TG: variants seen among roughly 807,000 people sequenced by gnomAD.
TG encodes thyroglobulin.
TG carries 270 observed loss-of-function variants against 324.7 expected under a neutral mutation model. The ratio of observed to expected loss-of-function variants is 0.83; its 90% CI spans 0.75 to 0.92. The LOEUF (loss-of-function observed/expected upper bound fraction) is 0.92. Among genes scored for constraint, TG ranks in the 40% least tolerant of loss-of-function variants. The pLI, the probability that TG is intolerant of heterozygous loss-of-function variation, is 0.00. For missense variants in TG, 3,591 were observed against 3,456.4 expected, an observed-to-expected ratio of 1.04 and a Z score of -0.98; for synonymous variants, 1,401 against 1,327.0, an observed-to-expected ratio of 1.06 and a Z score of -1.21.
chr8:132,923,416 G>T lies in TG; in HGVS notation c.4607G>T (p.Arg1536Met), dbSNP rs765995450. ...NGQYRASQKD[R>M]GSGKAFCVDG... is the part of the protein sequence containing the mutation. ...CAGTATCGAGCCAGCCAGAAGGACA[G>T]GGGCAGTGGGAAGGCCTTCTGTGTG... The change falls in exon 22 of 48, where the codon AGG becomes ATG. Residue 1536 changes from arginine to methionine, a missense_variant. Coordinates refer to ENST00000220616, the MANE Select transcript of TG (RefSeq NM_003235.5). 1.9e-6 allele frequency: 3 copies of T among 1,614,158 alleles called. No homozygotes were observed. The highest frequency in any genetic ancestry group is 2.5e-6 in the Non-Finnish European group (3 of 1,180,032).
chr8:132,985,745 G>A (rs749146368), intron 35 of TG, among the ~76,000 whole-genome samples: 22 of 152,014 alleles, frequency 1.4e-4, no homozygotes, highest in Non-Finnish European at 2.4e-4. Flanking sequence ...AGATCGTGTG[G>A]GTGCTTCCTT....
intron 27 of TG, 111 bp downstream of exon 27, chr8:132,949,054 GA>G (rs34207784): frequency 0.25 from 168,781 of 678,972 alleles, 2,934 homozygotes; most frequent in East Asian, 0.37. Context: ...TTATACTTCT[GA>G]AAAAAAAAAA....
At chr8:133,068,099 C>G (rs560308715) in intron 41 of TG, among the ~76,000 whole-genome samples, 1 of 152,286 alleles carries the variant, frequency 6.6e-6, no homozygotes, top group East Asian at 1.9e-4. Flanking sequence ...CATCATAAAG[C>G]ATCACTTGAA....
chr8:132,945,821 G>C (rs1396807330), intron 26 of TG, among the ~76,000 whole-genome samples: 1 of 152,194 alleles, frequency 6.6e-6, no homozygotes, highest in African/African-American at 2.4e-5. Flanking sequence ...GTTGTCAACA[G>C]TCTTGAGTGC....
chr8:132,942,723 A>T (rs755775047), intron 26 of TG, among the ~76,000 whole-genome samples: 36 of 152,224 alleles, frequency 2.4e-4, no homozygotes, highest in Non-Finnish European at 4.1e-4. Context: ...GCAGTGTGCG[A>T]TGCAAATGCC....
At chr8:133,106,771 T>C (rs1457035214) in intron 43 of TG, among the ~76,000 whole-genome samples, 1 of 152,130 alleles carries the variant, frequency 6.6e-6, no homozygotes, top group Admixed American at 6.5e-5. Context: ...CCATATCACA[T>C]AGATGTGCTG....
At chr8:132,959,053 G>A (rs1193100984) in intron 27 of TG, among the ~76,000 whole-genome samples, 1 of 152,186 alleles carries the variant, frequency 6.6e-6, no homozygotes, top group Non-Finnish European at 1.5e-5. Context: ...ATCCTTTAGA[G>A]AAACATCTCA....
rs1455401565 is a variant in TG at position 133,017,832 on chromosome 8, A to T, written c.6617A>T (p.His2206Leu). The change falls in exon 38 of 48, where the codon CAT becomes CTT. Residue 2206 changes from histidine to leucine, a missense_variant. His to Leu is a moderately conservative substitution (Grantham distance 99). Coordinates refer to ENST00000220616, the MANE Select transcript of TG (RefSeq NM_003235.5). ...GTACCTTCTGTGCCCATTTCCACCC[A>T]TGGCCGGCTGCTGGGCAGGTCCCAG... ...ASVPSVPISTHGRLLGRSQAI... is the reference protein window; with the variant it reads ...ASVPSVPISTLGRLLGRSQAI... 1 of 1,614,060 alleles carries T rather than the reference A, an allele frequency of 6.2e-7. No homozygotes were observed. The highest frequency in any genetic ancestry group is 1.7e-5 in the Admixed American group (1 of 60,014).
intron 16 of TG, among the ~76,000 whole-genome samples, chr8:132,906,397 G>T (rs1332676356): frequency 2.0e-5 from 3 of 152,114 alleles, no homozygotes. Flanking sequence ...GTAACTAATT[G>T]GCTTTAGAGA....
chr8:132,929,588 C>T (rs1224299829), intron 23 of TG, among the ~76,000 whole-genome samples: 2 of 150,646 alleles, frequency 1.3e-5, no homozygotes, highest in East Asian at 3.9e-4. Flanking sequence ...CATAAACTGG[C>T]CATTGCTATC....
chr8:133,125,116 G>A (rs923077174), intron 45 of TG, among the ~76,000 whole-genome samples: 42 of 152,246 alleles, frequency 2.8e-4, no homozygotes, highest in African/African-American at 9.6e-4. Context: ...TTTACCTAAC[G>A]CCGTCTATGC....
At chr8:133,019,352 C>T (rs1223452013) in intron 38 of TG, among the ~76,000 whole-genome samples, 1 of 152,250 alleles carries the variant, frequency 6.6e-6, no homozygotes, top group Non-Finnish European at 1.5e-5. Flanking sequence ...GCAGACTTCT[C>T]TAAGTTGGTG....
chr8:133,097,992 T>TA (rs1344815638), intron 43 of TG, among the ~76,000 whole-genome samples: 1 of 152,068 alleles, frequency 6.6e-6, no homozygotes, highest in Non-Finnish European at 1.5e-5. Flanking sequence ...AAGTAAAACT[T>TA]AGTCACCCTC....
At chr8:132,929,920 G>A (rs772817457) in intron 23 of TG, among the ~76,000 whole-genome samples, 7 of 152,128 alleles carry the variant, frequency 4.6e-5, no homozygotes, top group Admixed American at 1.3e-4. Flanking sequence ...GTATACTGCC[G>A]AGGCTTGGGG....
At chr8:133,117,850 G>A (rs115512686) in intron 45 of TG, among the ~76,000 whole-genome samples, 25 of 152,278 alleles carry the variant, frequency 1.6e-4, no homozygotes, top group African/African-American at 5.8e-4. Context: ...TTTAGAGGTG[G>A]GGGTCCAGCC....
At chr8:132,889,039 C>A (rs963544302) in intron 10 of TG, among the ~76,000 whole-genome samples, 1 of 152,164 alleles carries the variant, frequency 6.6e-6, no homozygotes, top group African/African-American at 2.4e-5. Flanking sequence ...GAGAGTGCCA[C>A]CTGAAGTGGC....
At chr8:132,868,533 G>C (rs933976702) in intron 2 of TG, among the ~76,000 whole-genome samples, 3 of 152,206 alleles carry the variant, frequency 2.0e-5, no homozygotes, top group African/African-American at 7.2e-5. Context: ...CGGCACGTGT[G>C]GGGAGTGGGG....
At chr8:132,902,938 G>C (rs1818132350) in intron 16 of TG, among the ~76,000 whole-genome samples, 1 of 152,148 alleles carries the variant, frequency 6.6e-6, no homozygotes, top group Non-Finnish European at 1.5e-5. Flanking sequence ...CAACAATGCA[G>C]GTAAATAGAT....
At chr8:132,916,793 G>T (rs1820344624) in intron 20 of TG, among the ~76,000 whole-genome samples, 1 of 152,168 alleles carries the variant, frequency 6.6e-6, no homozygotes, top group Admixed American at 6.5e-5. Context: ...TAGCAGATTA[G>T]TTTATGAAGG....
Sources: allele counts gnomAD v4.1 joint callset (sites outside exome capture counted in the v4.1 genomes callset), GRCh38; gene constraint gnomAD v4.1.1; transcripts MANE v1.5; gene names NCBI Gene and HGNC (gene_info 2026-07-23, HGNC 2026-07-21).